URB2: variants seen among roughly 807,000 people sequenced by gnomAD.
URB2 encodes the protein URB2 ribosome biogenesis homolog.
Under a neutral mutation model 120.9 loss-of-function variants are expected in URB2, and 86 were observed. The ratio of observed to expected loss-of-function variants is 0.71; its 90% CI spans 0.60 to 0.85. The LOEUF (loss-of-function observed/expected upper bound fraction) is 0.85. Ranked by LOEUF, URB2 falls within the 40% of genes least tolerant of loss-of-function variation. URB2 has a pLI of 0.00. For missense variants in URB2, 1,765 were observed against 1,836.5 expected, an observed-to-expected ratio of 0.96 and a Z score of 0.71; for synonymous variants, 755 against 758.4, an observed-to-expected ratio of 1.00 and a Z score of 0.07.
At chr1:229,643,108 T>G (rs1475217586) in intron 4 of URB2, among the ~76,000 whole-genome samples, 2 of 152,228 alleles carry the variant, frequency 1.3e-5, no homozygotes, top group Non-Finnish European at 2.9e-5. Flanking sequence ...CTTCATCCTC[T>G]TCATCCTCAC....
intron 9 of URB2, 58 bp from the exon 10 acceptor site, chr1:229,659,042 T>C: frequency 1.3e-6 from 2 of 1,547,024 alleles, no homozygotes; most frequent in South Asian, 1.2e-5. Flanking sequence ...TGTTGGCAGG[T>C]GGTGCGGCTT....
At chr1:229,654,414 CCAAGT>C (rs1666357455) in intron 9 of URB2, 26 bp downstream of exon 9, 2 of 1,613,900 alleles carry the variant, frequency 1.2e-6, no homozygotes. Flanking sequence ...ATGTCTTTCA[CCAAGT>C]ACTGTGTTTA....
intron 4 of URB2, among the ~76,000 whole-genome samples, chr1:229,641,473 AG>A (rs1381433667): frequency 2.6e-5 from 4 of 152,250 alleles, no homozygotes; most frequent in Non-Finnish European, 5.9e-5. Flanking sequence ...TGCTGTGTCC[AG>A]GCCTCTTCCA....
rs780234127 is a variant in URB2, at chr1:229,651,254, C to T, written c.4169C>T (p.Pro1390Leu). The change falls in exon 8 of 10, where the codon CCT becomes CTT. Residue 1390 changes from proline (P) to leucine (L), a missense_variant. Coordinates refer to ENST00000258243, the MANE Select transcript of URB2 (RefSeq NM_014777.4). ...TTACAGGTAATGCTGAAAGCCATCC[C>T]TTCTTTCTTGAACTCTTTCAATAGA... ...CHPKVMLKAI[P>L]SFLNSFNRLV... The T allele has an allele frequency of 1.2e-6, 2 of 1,610,164 alleles. No homozygotes were observed. Among genetic ancestry groups the T allele is most frequent in the Non-Finnish European group, 8.5e-7 (1 of 1,178,560 alleles).
intron 4 of URB2, among the ~76,000 whole-genome samples, chr1:229,638,925 C>CATAG (rs1212347907): frequency 6.6e-6 from 1 of 152,176 alleles, no homozygotes; most frequent in Non-Finnish European, 1.5e-5. Context: ...CAATGAGATA[C>CATAG]ATAGATACCT....
At chr1:229,627,536 A>G (rs900117456) in intron 1 of URB2, 85 bp from the exon 2 acceptor site, 1 of 1,288,536 alleles carries the variant, frequency 7.8e-7, no homozygotes, top group South Asian at 1.8e-5. Flanking sequence ...AACAAGATAC[A>G]GTACTGCAAT....
At chr1:229,639,458 C>T (rs943080771) in intron 4 of URB2, among the ~76,000 whole-genome samples, 6 of 151,882 alleles carry the variant, frequency 4.0e-5, no homozygotes, top group African/African-American at 1.5e-4. Flanking sequence ...CCTCAGCCTC[C>T]CAAGTAACTG....
chr1:229,645,905 C>G lies in URB2; in HGVS notation c.3842C>G (p.Pro1281Arg). 1 of 1,614,196 alleles carries G rather than the reference C, an allele frequency of 6.2e-7. No homozygotes were observed. Among genetic ancestry groups the G allele is most frequent in the Non-Finnish European group, 8.5e-7 (1 of 1,180,030 alleles). The stretch of plus-strand genomic sequence containing the variant: ...CTGCTGAGGCTGCTACTGAACTGCC[C>G]ACTCAGTGGAGAGAAAGCAAGTCTG... ...VTLLRLLLNC[P>R]LSGEKASLLW... The change falls in exon 6 of 10, where the codon CCA (proline) becomes CGA (arginine). Residue 1281 changes from proline (P) to arginine (R), a missense_variant. Coordinates refer to ENST00000258243, the MANE Select transcript of URB2 (RefSeq NM_014777.4).
At chr1:229,658,621 C>T (rs557045219) in intron 9 of URB2, among the ~76,000 whole-genome samples, 1 of 152,288 alleles carries the variant, frequency 6.6e-6, no homozygotes, top group African/African-American at 2.4e-5. Flanking sequence ...CTGCCTTGCT[C>T]TGGGGTGAGA....
chr1:229,632,188 A>G (rs1226249081), intron 2 of URB2, 81 bp from the exon 3 acceptor site: 4 of 1,321,160 alleles, frequency 3.0e-6, no homozygotes, highest in Non-Finnish European at 3.0e-6. Flanking sequence ...ATTTGCTTAT[A>G]CCTGTAATGT....
chr1:229,636,864 A>G lies in URB2; in HGVS notation c.2251A>G (p.Ile751Val), dbSNP rs757833983. ...GATTGTGTCAAATCTCACAATTTTA[A>G]TATCCTATCTGTGTCCAGATGATGT... ...HLIVSNLTILISYLCPDDVGY... is the reference protein window; with the variant it reads ...HLIVSNLTILVSYLCPDDVGY... The change falls in exon 4 of 10, where the codon ATA becomes GTA. Residue 751 changes from isoleucine (I) to valine (V), a missense_variant. By Grantham distance (29) the Ile-to-Val change is conservative. Transcript: ENST00000258243. The G allele has an allele frequency of 2.5e-6, 4 of 1,611,214 alleles. No homozygotes were observed. The highest frequency in any genetic ancestry group is 1.3e-5 in the African/African-American group (1 of 74,980).
In URB2 at chr1:229,659,332, C is replaced by T. The variant is rs1411383211; in HGVS notation, c.*35C>T. Reference sequence around the variant, plus strand: ...ACAGAAGTGCCGCCAGTGACACTGTCCAGAGGCTTTGGCTGCATGGTCTGA... The same window carrying T: ...ACAGAAGTGCCGCCAGTGACACTGTTCAGAGGCTTTGGCTGCATGGTCTGA... On this transcript the variant is annotated 3_prime_UTR_variant, in exon 10 of 10. Coordinates refer to ENST00000258243, the MANE Select transcript of URB2 (RefSeq NM_014777.4). The T allele has an allele frequency of 1.3e-6, 2 of 1,597,750 alleles. No homozygotes were observed. Among genetic ancestry groups the T allele is most frequent in the Non-Finnish European group, 1.7e-6 (2 of 1,167,950 alleles).
chr1:229,628,273 T>TATACATATACATATTATATATTTATATAA (rs1665582096), intron 2 of URB2, among the ~76,000 whole-genome samples: 1 of 147,558 alleles, frequency 6.8e-6, no homozygotes, highest in Non-Finnish European at 1.5e-5. Flanking sequence ...GTATATAAAT[T>TATACATATACATATTATATATTTATATAA]AGTCAGACAT....
Position 229,630,952 on chromosome 1 carries a change from A to G in URB2, c.127-1317A>G, listed in dbSNP as rs574382476. Among the ~76,000 whole-genome samples, 9 of 138,732 alleles carry G rather than the reference A, an allele frequency of 6.5e-5. No individual in the cohort carries two copies. The South Asian group carries it at 2.1e-3, about 33-fold the overall frequency. 91.0% of individuals were successfully genotyped at this position (138,732 alleles called of 152,430 possible). On this transcript the variant is annotated intron_variant, in intron 2 of 9. Transcript: ENST00000258243. ...AGCCGAGATCGCGCCATTCCACTCCAGCCTGGGTGACAAGAGCGAAACTCC... is the reference window on the plus strand; with the variant it reads ...AGCCGAGATCGCGCCATTCCACTCCGGCCTGGGTGACAAGAGCGAAACTCC...
chr1:229,632,378 A>G lies in URB2; in HGVS notation c.236A>G (p.His79Arg), dbSNP rs769402409. The G allele has an allele frequency of 3.2e-5, 51 of 1,586,878 alleles. No individual in the cohort carries two copies. Among genetic ancestry groups the G allele is most frequent in the African/African-American group, 2.2e-4 (16 of 73,366 alleles). Residue 79 changes from histidine (H) to arginine (R), a missense_variant, in exon 3 of 10, where the codon CAT (histidine) becomes CGT (arginine). His to Arg is a conservative substitution (Grantham distance 29). Transcript: ENST00000258243. The part of the protein sequence containing the change: ...RLWIYIDNIL[H>R]SRKLQNLLKN... ...TGGATCTATATAGATAACATTTTACATAGCAGAAAATTGCAGAATCTCCTC... is the reference window on the plus strand; with the variant it reads ...TGGATCTATATAGATAACATTTTACGTAGCAGAAAATTGCAGAATCTCCTC...
At position 229,638,224 on chromosome 1, in the gene URB2, A is replaced by G. The variant is rs945739471; in HGVS notation, c.3611A>G (p.His1204Arg). Residue 1204 changes from histidine to arginine, a missense_variant, in exon 4 of 10, where the codon CAT becomes CGT. His to Arg is a conservative substitution (Grantham distance 29, BLOSUM62 0). Coordinates refer to ENST00000258243, the MANE Select transcript of URB2 (RefSeq NM_014777.4). Reference protein sequence around the residue: ...KKDSVFTSMFHSVRRVLADPE... With the variant: ...KKDSVFTSMFRSVRRVLADPE... ...GACTCCGTGTTTACCTCCATGTTTC[A>G]TTCTGTGAGAAGAGTTCTTGCAGGT... 1.2e-6 allele frequency: 2 copies of G among 1,607,356 alleles called. No homozygotes were observed. Among genetic ancestry groups the G allele is most frequent in the Admixed American group, 1.7e-5 (1 of 58,808 alleles).
intron 3 of URB2, among the ~76,000 whole-genome samples, chr1:229,632,884 G>A (rs550294002): frequency 2.0e-5 from 3 of 151,170 alleles, no homozygotes; most frequent in East Asian, 1.9e-4. Context: ...CCGGCAACCC[G>A]GGGCCACCTC....
intron 7 of URB2, among the ~76,000 whole-genome samples, chr1:229,650,646 G>T (rs1359810946): frequency 6.6e-6 from 1 of 152,050 alleles, no homozygotes; most frequent in African/African-American, 2.4e-5. Flanking sequence ...GGCCAGGCTG[G>T]TCTCCAACTC....
At chr1:229,654,121 C>A in intron 8 of URB2, 128 bp from the exon 9 acceptor site, 1 of 1,349,566 alleles carries the variant, frequency 7.4e-7, no homozygotes, top group Non-Finnish European at 1.0e-6. Flanking sequence ...CAAAATAAGC[C>A]AATTAAAGAG....
Sources: gnomAD v4.1 joint callset for allele counts (sites outside exome capture counted in the v4.1 genomes callset) on GRCh38, gnomAD v4.1.1 for gene constraint, MANE v1.5 for transcripts, NCBI Gene and HGNC (gene_info 2026-07-23, HGNC 2026-07-21) for gene names.